Variants in IQCH observed in about 807,000 individuals in gnomAD.
IQCH encodes IQ domain-containing protein H.
IQCH carries 98 observed loss-of-function variants against 117.0 expected under a neutral mutation model. That is an observed-to-expected ratio of 0.84 (90% CI 0.71 to 0.99). The LOEUF is 0.99. Among genes scored for constraint, IQCH ranks in the 50% least tolerant of loss-of-function variants. IQCH has a pLI of 0.00. For synonymous variants in IQCH, 412 were observed against 448.2 expected (o/e 0.92, Z 1.02); for missense variants, 1,102 against 1,243.8 (o/e 0.89, Z 1.72).
At chr15:67,345,092 C>T (rs1007791920) in intron 6 of IQCH, among the ~76,000 whole-genome samples, 2 of 152,148 alleles carry the variant, frequency 1.3e-5, no homozygotes, top group Non-Finnish European at 2.9e-5. Context: ...TGGATTCAAG[C>T]GATTCTCCTG....
intron 18 of IQCH, among the ~76,000 whole-genome samples, chr15:67,487,364 C>T (rs1281839991): frequency 6.6e-6 from 1 of 151,376 alleles, no homozygotes; most frequent in African/African-American, 2.4e-5. Flanking sequence ...ATGTAGATGC[C>T]CATGCAGGGC....
intron 4 of IQCH, among the ~76,000 whole-genome samples, chr15:67,285,559 T>G (rs1966529197): frequency 6.6e-6 from 1 of 152,170 alleles, no homozygotes; most frequent in Non-Finnish European, 1.5e-5. Context: ...TGCCTGGGTA[T>G]TCTTCTAGGG....
intron 14 of IQCH, 75 bp downstream of exon 14, chr15:67,400,380 A>T: frequency 9.2e-7 from 1 of 1,084,132 alleles, no homozygotes; most frequent in South Asian, 1.4e-5. Context: ...TTCAGCTAAG[A>T]GATGAAAGTA....
rs1970034540 is a variant in IQCH, at chr15:67,359,232, T to C, written c.715-615T>C. Among the ~76,000 whole-genome samples, 1 of 152,188 alleles carries C rather than the reference T, an allele frequency of 6.6e-6. No homozygotes were observed. Among genetic ancestry groups the C allele is most frequent in the Non-Finnish European group, 1.5e-5 (1 of 68,034 alleles). ...TGACTAGGTTTTAGCCAGTAAATGG[T>C]TTACCACGAAAAAAATAGTTTTAAA... On this transcript the variant is annotated intron_variant, in intron 7 of 20. Coordinates refer to ENST00000335894, the MANE Select transcript of IQCH (RefSeq NM_001031715.3). The surrounding 1 kb of genome is among the most constrained non-coding windows in gnomAD (Gnocchi z 4.5).
chr15:67,291,822 T>G (rs763808632), intron 4 of IQCH, among the ~76,000 whole-genome samples: 33 of 152,170 alleles, frequency 2.2e-4, no homozygotes, highest in Non-Finnish European at 3.2e-4. Context: ...TGCCCTCTCA[T>G]TAGAATGTAA....
chr15:67,372,348 T>C lies in IQCH; in HGVS notation c.991T>C (p.Phe331Leu), dbSNP rs776393416. The part of the protein sequence containing the change: ...GNNLVALLPE[F>L]ELTNKLTRYD... ...TAATTTGGTGGCCCTCCTTCCAGAG[T>C]TTGAGCTGACGAATAAACTTACCAG... The change falls in exon 9 of 21, where the codon TTT (phenylalanine) becomes CTT (leucine). Residue 331 changes from phenylalanine (F) to leucine (L), a missense_variant. By Grantham distance (22) the Phe-to-Leu change is conservative. Around this residue, in one of 2 missense-constraint regions of IQCH, gnomAD observed 452 missense variants for 449.6 expected, o/e 1.01. Transcript: ENST00000335894. 6.2e-7 allele frequency: 1 copy of C among 1,613,894 alleles called. No homozygotes were observed. Among genetic ancestry groups the C allele is most frequent in the Non-Finnish European group, 8.5e-7 (1 of 1,179,990 alleles).
At chr15:67,439,050 A>T (rs1052398761) in intron 16 of IQCH, among the ~76,000 whole-genome samples, 2 of 152,252 alleles carry the variant, frequency 1.3e-5, no homozygotes, top group Non-Finnish European at 2.9e-5. Context: ...ACCTTGGAAC[A>T]AATGGACTTA....
In IQCH at chr15:67,446,774, A is replaced by G. The variant is rs2082401501; in HGVS notation, c.2506-18353A>G. On this transcript the variant is annotated intron_variant, in intron 16 of 20. Transcript: ENST00000335894. ...CTTGCCTTTTTGCCTATACTGAAGG[A>G]CTGTATTTCTTTGTCCTTATACAGC... is the stretch of plus-strand genomic sequence containing the variant. Among the ~76,000 whole-genome samples the G allele has an allele frequency of 2.0e-5, 3 of 152,134 alleles. No homozygotes were observed. In the South Asian group the frequency reaches 6.2e-4, roughly 32 times the overall value.
Position 67,405,390 on chromosome 15 carries a change from G to GTCATCA in IQCH, c.2097+5119_2097+5124dup, listed in dbSNP as rs59177913. On this transcript the variant is annotated intron_variant, in intron 14 of 20. Coordinates refer to ENST00000335894, the MANE Select transcript of IQCH (RefSeq NM_001031715.3). This position sits in a 1 kb window ranked among gnomAD's most constrained non-coding sequence, Gnocchi z 4.8. Reference sequence around the variant, plus strand: ...TGTTGACATTTCCTTGTATTTCTTTGTCATCATCATCATCATCATCATCAT... The same window carrying GTCATCA: ...TGTTGACATTTCCTTGTATTTCTTTGTCATCATCATCATCATCATCATCATCATCAT... 1.9e-3 allele frequency: 299 copies of GTCATCA among 154,454 alleles called. 2 individuals carry two copies. The highest frequency in any genetic ancestry group is 9.6e-3 in the Middle Eastern group (3 of 314). The allele number at this position is 154,454 out of a possible 1,614,324, so 9.6% of individuals were successfully genotyped here.
chr15:67,281,120 A>C (rs1201864321), intron 4 of IQCH, among the ~76,000 whole-genome samples: 5 of 152,178 alleles, frequency 3.3e-5, no homozygotes, highest in Admixed American at 3.3e-4. Context: ...CTGGGATTAC[A>C]GGCATGAGCC....
intron 16 of IQCH, among the ~76,000 whole-genome samples, chr15:67,460,721 T>G (rs2082771555): frequency 6.6e-6 from 1 of 152,210 alleles, no homozygotes; most frequent in Non-Finnish European, 1.5e-5. Flanking sequence ...TATGTTCTCA[T>G]TACTCACCTC....
intron 13 of IQCH, among the ~76,000 whole-genome samples, chr15:67,398,680 C>T (rs1449360819): frequency 1.3e-5 from 2 of 151,712 alleles, no homozygotes; most frequent in African/African-American, 4.8e-5. Context: ...TCTGGTAGCT[C>T]CAAACCTCAA....
chr15:67,435,077 G>A (rs576515920), intron 16 of IQCH, among the ~76,000 whole-genome samples: 3 of 149,482 alleles, frequency 2.0e-5, no homozygotes, highest in African/African-American at 4.9e-5. Context: ...GGGTGGTCTC[G>A]AACTCCTGAC....
At chr15:67,296,981 A>G (rs1404100163) in intron 4 of IQCH, among the ~76,000 whole-genome samples, 2 of 152,116 alleles carry the variant, frequency 1.3e-5, no homozygotes, top group Admixed American at 1.3e-4. Context: ...CTCCAATTCA[A>G]CTCCTGTAGG....
At chr15:67,318,377 T>G (rs1967950422) in intron 4 of IQCH, among the ~76,000 whole-genome samples, 1 of 152,180 alleles carries the variant, frequency 6.6e-6, no homozygotes, top group Non-Finnish European at 1.5e-5. Flanking sequence ...AAAACTTTAA[T>G]GAACAACATC....
chr15:67,469,544 C>A (rs1404500271), intron 17 of IQCH, among the ~76,000 whole-genome samples: 1 of 152,176 alleles, frequency 6.6e-6, no homozygotes, highest in Non-Finnish European at 1.5e-5. Context: ...TTCTCATCAG[C>A]CTTTACCTTA....
At chr15:67,281,777 T>C in intron 4 of IQCH, 1 of 454,716 alleles carries the variant, frequency 2.2e-6, no homozygotes, top group Non-Finnish European at 4.4e-6. Context: ...GTACATATTT[T>C]GGGGTAAAAT....
Position 67,308,992 on chromosome 15 carries a change from C to T in IQCH, c.388-27983C>T, listed in dbSNP as rs184142203. Among the ~76,000 whole-genome samples, 405 of 152,236 alleles carry T rather than the reference C, an allele frequency of 2.7e-3. 3 individuals are homozygous for T. The highest frequency in any genetic ancestry group is 9.2e-3 in the African/African-American group (384 of 41,550). On this transcript the variant is annotated intron_variant, in intron 4 of 20. Transcript: ENST00000335894. ...TATGCATTCCCAAACCAACCCTATG[C>T]TGAACTGAAACCACTTTTTAGCTCT...
chr15:67,385,199 TAA>T lies in IQCH; in HGVS notation c.1456+183_1456+184del, dbSNP rs1256563156. On this transcript the variant is annotated intron_variant, in intron 11 of 20. Coordinates refer to ENST00000335894, the MANE Select transcript of IQCH (RefSeq NM_001031715.3). This position sits in a 1 kb window ranked among gnomAD's most constrained non-coding sequence, Gnocchi z 4.6. Reference sequence around the variant, plus strand: ...TTTATTTTAAAAAACATATTTGTAGTAAAATCAACTTGAATAAAAAATGACAT... The same window carrying T: ...TTTATTTTAAAAAACATATTTGTAGTAATCAACTTGAATAAAAAATGACAT... Among the ~76,000 whole-genome samples the T allele has an allele frequency of 6.6e-6, 1 of 152,186 alleles. No homozygotes were observed.
Sources: gnomAD v4.1 joint callset for allele counts (sites outside exome capture counted in the v4.1 genomes callset) on GRCh38, gnomAD v4.1.1 for gene constraint, gnomAD v4.1.1 regional missense constraint, Gnocchi (gnomAD v3.1) non-coding constraint, MANE v1.5 for transcripts, NCBI Gene and HGNC (gene_info 2026-07-23, HGNC 2026-07-21) for gene names.